PARD3B: variants seen among roughly 807,000 people sequenced by gnomAD.
The protein encoded by PARD3B is par-3 family cell polarity regulator beta.
A neutral mutation model predicts 130.2 loss-of-function variants in PARD3B; 103 were observed. That is an observed-to-expected ratio of 0.79 (90% confidence interval 0.67 to 0.93). The LOEUF is 0.93. Among genes scored for constraint, PARD3B ranks in the 40% least tolerant of loss-of-function variants. The pLI is 0.00. For missense variants in PARD3B, 1,609 were observed against 1,499.2 expected (o/e 1.07, Z -1.21); for synonymous variants, 583 against 553.2 (o/e 1.05, Z -0.76).
intron 11 of PARD3B, among the ~76,000 whole-genome samples, chr2:205,167,970 C>T (rs549449235): frequency 6.6e-6 from 1 of 152,320 alleles, no homozygotes; most frequent in African/African-American, 2.4e-5. Flanking sequence ...GTCTTGTCTC[C>T]TGGTCCTCTG....
intron 3 of PARD3B, among the ~76,000 whole-genome samples, chr2:204,966,004 A>G (rs1422105971): frequency 6.6e-6 from 1 of 152,188 alleles, no homozygotes; most frequent in Non-Finnish European, 1.5e-5. Context: ...TATTTCAAAC[A>G]ACTTTTTATG....
intron 2 of PARD3B, among the ~76,000 whole-genome samples, chr2:204,911,634 A>G (rs2047240473): frequency 1.3e-5 from 2 of 152,216 alleles, no homozygotes; most frequent in Admixed American, 1.3e-4. Context: ...GATGTGCTTA[A>G]TGGCGTTTCC....
At chr2:205,186,962 C>G (rs1186314635) in intron 14 of PARD3B, among the ~76,000 whole-genome samples, 4 of 152,070 alleles carry the variant, frequency 2.6e-5, no homozygotes, top group East Asian at 1.9e-4. Flanking sequence ...TATATATGTG[C>G]AAAATGTTTG....
intron 1 of PARD3B, among the ~76,000 whole-genome samples, chr2:204,587,890 G>A (rs1386393423): frequency 1.3e-5 from 2 of 152,114 alleles, no homozygotes; most frequent in African/African-American, 2.4e-5. Context: ...TTAATAAGGG[G>A]TTTTCCTCCC....
At chr2:205,514,564 TTATATCTACA>T (rs937943560) in intron 21 of PARD3B, among the ~76,000 whole-genome samples, 4 of 142,582 alleles carry the variant, frequency 2.8e-5, no homozygotes, top group Non-Finnish European at 6.1e-5. Flanking sequence ...CTTTTCTTGT[TTATATCTACA>T]TATCAATACA....
At chr2:204,996,987 C>G (rs1328295430) in intron 3 of PARD3B, among the ~76,000 whole-genome samples, 1 of 152,102 alleles carries the variant, frequency 6.6e-6, no homozygotes. Flanking sequence ...GTCTGGCACT[C>G]CCTAGTGAGA....
chr2:205,518,334 C>T (rs949094390), intron 21 of PARD3B, among the ~76,000 whole-genome samples: 3 of 151,944 alleles, frequency 2.0e-5, no homozygotes, highest in Admixed American at 6.6e-5. Context: ...ATGTAATGCC[C>T]GTCTTTATCT....
chr2:204,684,560 G>T (rs2036988965), intron 1 of PARD3B, among the ~76,000 whole-genome samples: 1 of 152,126 alleles, frequency 6.6e-6, no homozygotes, highest in African/African-American at 2.4e-5. Flanking sequence ...GTATTGTCCA[G>T]TGGCCATTAC....
At chr2:205,248,420 C>T (rs752824400) in intron 16 of PARD3B, among the ~76,000 whole-genome samples, 11 of 145,766 alleles carry the variant, frequency 7.5e-5, no homozygotes, top group Non-Finnish European at 8.9e-5. Context: ...GTGGTGGCGG[C>T]AGCAGCAGCA....
intron 2 of PARD3B, among the ~76,000 whole-genome samples, chr2:204,909,424 A>G (rs959083678): frequency 2.0e-5 from 3 of 152,206 alleles, no homozygotes; most frequent in Admixed American, 6.5e-5. Context: ...CTACATATTT[A>G]CTATTCATCC....
chr2:205,604,020 G>A (rs776877579), intron 22 of PARD3B, among the ~76,000 whole-genome samples: 2 of 152,086 alleles, frequency 1.3e-5, no homozygotes, highest in Non-Finnish European at 2.9e-5. Flanking sequence ...CTTCCTTCAG[G>A]AGCTCTTGCA....
chr2:205,353,462 T>C (rs1307676180), intron 18 of PARD3B, among the ~76,000 whole-genome samples: 1 of 152,188 alleles, frequency 6.6e-6, no homozygotes, highest in African/African-American at 2.4e-5. Context: ...TGAAGCACAA[T>C]TTCTGAAATA....
chr2:205,041,120 C>T (rs1698368466), intron 3 of PARD3B, among the ~76,000 whole-genome samples: 2 of 152,260 alleles, frequency 1.3e-5, no homozygotes, highest in South Asian at 4.1e-4. Flanking sequence ...TAGTTCTTTA[C>T]TGATTCCTCC....
chr2:205,253,524 C>A lies in PARD3B; in HGVS notation c.2185+7702C>A. ...TACCTGGGGAAGCAGGAGAGACTCACACTGCTGTCATGGCCCCACAGCCTG... is the reference window on the plus strand; with the variant it reads ...TACCTGGGGAAGCAGGAGAGACTCAAACTGCTGTCATGGCCCCACAGCCTG... On this transcript the variant is annotated intron_variant, in intron 16 of 22. Transcript: ENST00000406610. This position sits in a 1 kb window ranked among gnomAD's most constrained non-coding sequence, Gnocchi z 4.4. 1 of 542,176 alleles carries A rather than the reference C, an allele frequency of 1.8e-6. No homozygotes were observed. 33.6% of individuals were successfully genotyped at this position (542,176 alleles called of 1,614,324 possible). A position where few individuals can be genotyped will look rare whatever the true frequency, so the allele number is the denominator to read the frequency against.
chr2:205,110,666 C>T (rs189167861), intron 5 of PARD3B, among the ~76,000 whole-genome samples: 11 of 148,270 alleles, frequency 7.4e-5, no homozygotes, highest in South Asian at 2.1e-4. Flanking sequence ...GGCTGTCAAC[C>T]GCTTTTTCTT....
At chr2:205,504,798 T>C (rs998385224) in intron 21 of PARD3B, among the ~76,000 whole-genome samples, 3 of 152,208 alleles carry the variant, frequency 2.0e-5, no homozygotes, top group African/African-American at 7.2e-5. Context: ...GGTGGGACTG[T>C]AAACCAGTTC....
rs763831333 is a variant in PARD3B at position 205,185,760 on chromosome 2, A to G, written c.1925-4A>G. On this transcript the variant is annotated splice_region_variant and splice_polypyrimidine_tract_variant and intron_variant, in intron 13 of 22. Coordinates refer to ENST00000406610, the MANE Select transcript of PARD3B (RefSeq NM_001302769.2). ...ATACAGCTTCATTTGTTCTTTGTTT[A>G]TAGGTCTATTGCTGCCCAATGACGG... 19 of 1,611,864 alleles carry G rather than the reference A, an allele frequency of 1.2e-5. No individual in the cohort carries two copies. The highest frequency in any genetic ancestry group is 1.6e-5 in the Non-Finnish European group (19 of 1,178,070).
rs188513301 is a variant in PARD3B, at chr2:204,978,624, A to T, written c.394+13301A>T. Among the ~76,000 whole-genome samples the T allele has an allele frequency of 5.2e-3, 792 of 152,246 alleles. 3 individuals carry two copies. The highest frequency in any genetic ancestry group is 0.017 in the African/African-American group (727 of 41,562). Reference sequence around the variant, plus strand: ...GCTTTCAGCTTGCAAAAGTGGATTGAATGCACTTCTTTTTTGCCTCCTCCT... The same window carrying T: ...GCTTTCAGCTTGCAAAAGTGGATTGTATGCACTTCTTTTTTGCCTCCTCCT... On this transcript the variant is annotated intron_variant, in intron 3 of 22. Transcript: ENST00000406610.
At chr2:204,581,896 A>G (rs2032576267) in intron 1 of PARD3B, among the ~76,000 whole-genome samples, 1 of 152,194 alleles carries the variant, frequency 6.6e-6, no homozygotes. Context: ...CTTCCCAACA[A>G]TGTGACCTTG....
Sources: gnomAD v4.1 joint callset for allele counts (sites outside exome capture counted in the v4.1 genomes callset) on GRCh38, gnomAD v4.1.1 for gene constraint, Gnocchi (gnomAD v3.1) non-coding constraint, MANE v1.5 for transcripts, NCBI Gene and HGNC (gene_info 2026-07-23, HGNC 2026-07-21) for gene names.